SCHIP1: variants seen among roughly 807,000 people sequenced by gnomAD.
SCHIP1 encodes the protein schwannomin interacting protein 1.
In SCHIP1, 8 loss-of-function variants were observed where a neutral mutation model predicts 29.7. The observed-to-expected ratio is 0.27, with a 90% CI of 0.16 to 0.49. The LOEUF is 0.49. SCHIP1 is among the 20% of genes least tolerant of loss of function. SCHIP1 has a pLI of 0.99. For missense variants in SCHIP1, 193 were observed against 294.6 expected (o/e 0.66, Z 2.52); for synonymous variants, 76 against 94.9 (o/e 0.80, Z 1.16).
the SCHIP1 span, among the ~76,000 whole-genome samples, chr3:159,411,259 T>A: frequency 2.6e-4 from 39 of 152,230 alleles, no homozygotes; most frequent in African/African-American, 9.4e-4. Flanking sequence ...GTTGGACATT[T>A]AAAAATAACT....
intron 2 of SCHIP1, among the ~76,000 whole-genome samples, chr3:159,883,725 T>C (rs1049741444): frequency 6.6e-6 from 1 of 152,238 alleles, no homozygotes; most frequent in African/African-American, 2.4e-5. Flanking sequence ...CTATAAGGAA[T>C]TATGTCTCAC....
At chr3:159,742,355 C>A in the SCHIP1 span, among the ~76,000 whole-genome samples, 4 of 152,156 alleles carry the variant, frequency 2.6e-5, no homozygotes, top group Non-Finnish European at 4.4e-5. Flanking sequence ...CAGTGGTATC[C>A]CCTGGGGATT....
chr3:159,836,032 A>G (rs957135096), upstream of SCHIP1, among the ~76,000 whole-genome samples: 1 of 152,242 alleles, frequency 6.6e-6, no homozygotes, highest in African/African-American at 2.4e-5. Context: ...CCCACGCTGC[A>G]GCTTCACTCT....
the SCHIP1 span, among the ~76,000 whole-genome samples, chr3:159,574,161 G>A: frequency 6.6e-6 from 1 of 152,190 alleles, no homozygotes; most frequent in Non-Finnish European, 1.5e-5. Context: ...TTGCTGGCGA[G>A]GAGCTGCAAT....
chr3:159,356,058 G>A, the SCHIP1 span, among the ~76,000 whole-genome samples: 1 of 152,034 alleles, frequency 6.6e-6, no homozygotes, highest in Non-Finnish European at 1.5e-5. Context: ...TCACCACACT[G>A]TCTTCCACAA....
chr3:159,427,338 C>T, the SCHIP1 span, among the ~76,000 whole-genome samples: 3 of 151,728 alleles, frequency 2.0e-5, no homozygotes, highest in Non-Finnish European at 2.9e-5. Context: ...AGCTGATAAG[C>T]AACTTCAGCA....
chr3:159,765,211 T>G, the SCHIP1 span: 1 of 1,432,456 alleles, frequency 7.0e-7, no homozygotes, highest in Non-Finnish European at 9.2e-7. Flanking sequence ...GCACGCCCCC[T>G]CCCTGCGCTC....
intron 1 of SCHIP1, among the ~76,000 whole-genome samples, chr3:159,856,437 C>A (rs1358573066): frequency 6.6e-6 from 1 of 151,932 alleles, no homozygotes; most frequent in African/African-American, 2.4e-5. Flanking sequence ...ACCTTAAACA[C>A]GAGAGTTGTT....
the SCHIP1 span, among the ~76,000 whole-genome samples, chr3:159,832,384 C>T: frequency 2.0e-5 from 3 of 152,264 alleles, no homozygotes; most frequent in East Asian, 1.9e-4. Flanking sequence ...CAGTTTCTCC[C>T]TTTGCTGGCT....
chr3:159,549,418 A>G, the SCHIP1 span, among the ~76,000 whole-genome samples: 787 of 152,208 alleles, frequency 5.2e-3, 6 homozygotes, highest in African/African-American at 0.018. Flanking sequence ...TTAATTGGAG[A>G]TGGGACCTCT....
chr3:159,856,540 G>A (rs1321013177), intron 1 of SCHIP1, among the ~76,000 whole-genome samples: 1 of 152,210 alleles, frequency 6.6e-6, no homozygotes, highest in Non-Finnish European at 1.5e-5. Flanking sequence ...GAATATGGCA[G>A]AAGACTGGCT....
the SCHIP1 span, among the ~76,000 whole-genome samples, chr3:159,762,792 G>A: frequency 6.6e-6 from 1 of 152,218 alleles, no homozygotes; most frequent in African/African-American, 2.4e-5. Context: ...GCCAGACTCA[G>A]GCAGCCCGTA....
intron 6 of SCHIP1, chr3:159,893,974 G>T (rs1476170641): frequency 6.6e-6 from 1 of 152,222 alleles, no homozygotes; most frequent in East Asian, 1.9e-4. Flanking sequence ...GAAGGCGGAG[G>T]GGGTGGCTGT....
the SCHIP1 span, among the ~76,000 whole-genome samples, chr3:159,590,618 C>A: frequency 6.6e-6 from 1 of 152,004 alleles, no homozygotes; most frequent in Admixed American, 6.6e-5. Context: ...TCCTTACCTG[C>A]ACTCAACTCC....
chr3:159,862,641 C>T (rs564266619), intron 1 of SCHIP1, among the ~76,000 whole-genome samples: 1 of 152,206 alleles, frequency 6.6e-6, no homozygotes, highest in South Asian at 2.1e-4. Context: ...AGGACAAATA[C>T]TCTACTATAA....
intron 1 of SCHIP1, among the ~76,000 whole-genome samples, chr3:159,841,401 A>T (rs1348016586): frequency 1.3e-5 from 2 of 152,126 alleles, no homozygotes; most frequent in East Asian, 3.9e-4. Context: ...AATTCTTTCC[A>T]CGAGAAAGGG....
At chr3:159,684,697 A>T in the SCHIP1 span, among the ~76,000 whole-genome samples, 446 of 151,512 alleles carry the variant, frequency 2.9e-3, 6 homozygotes, top group African/African-American at 0.01. Context: ...CCAGCTACTC[A>T]GGGGGCTGAG....
At chr3:159,446,015 T>TA in the SCHIP1 span, among the ~76,000 whole-genome samples, 3 of 141,254 alleles carry the variant, frequency 2.1e-5, no homozygotes, top group African/African-American at 8.9e-5. Context: ...ACCCTAAAAC[T>TA]TAAAGTATAA....
the SCHIP1 span, among the ~76,000 whole-genome samples, chr3:159,396,034 T>A: frequency 2.0e-5 from 3 of 151,194 alleles, no homozygotes; most frequent in Non-Finnish European, 4.4e-5. Context: ...TTTAGGATAG[T>A]TAGCTCTTCT....
Sources: gnomAD v4.1 joint callset for allele counts (sites outside exome capture counted in the v4.1 genomes callset) on GRCh38, gnomAD v4.1.1 for gene constraint, MANE v1.5 for transcripts, NCBI Gene and HGNC (gene_info 2026-07-23, HGNC 2026-07-21) for gene names.